The following RFX4 variants were observed in gnomAD, a reference collection of about 807,000 sequenced individuals.
RFX4 encodes regulatory factor X4.
RFX4 carries 10 observed loss-of-function variants against 95.0 expected under a neutral mutation model. The observed-to-expected ratio is 0.11, with a 90% CI of 0.06 to 0.18. The LOEUF is 0.18. RFX4 is among the 10% of genes least tolerant of loss of function. RFX4 has a pLI of 1.00. For synonymous variants in RFX4, 321 were observed against 340.7 expected, an observed-to-expected ratio of 0.94 and a Z score of 0.64; for missense variants, 640 against 922.0, an observed-to-expected ratio of 0.69 and a Z score of 3.96.
chr12:106,698,877 T>C (rs2041934960), intron 8 of RFX4, among the ~76,000 whole-genome samples: 1 of 152,128 alleles, frequency 6.6e-6, no homozygotes, highest in Admixed American at 6.5e-5. Flanking sequence ...TTGGTTTCTC[T>C]GGTTTCTTGC....
At chr12:106,612,837 CAAA>C (rs779953907) in intron 2 of RFX4, among the ~76,000 whole-genome samples, 1 of 113,738 alleles carries the variant, frequency 8.8e-6, no homozygotes, top group African/African-American at 3.2e-5. Flanking sequence ...GACTACGTCT[CAAA>C]AAAAAAAAAA....
chr12:106,713,518 G>A (rs778952515), intron 10 of RFX4, among the ~76,000 whole-genome samples: 13 of 152,308 alleles, frequency 8.5e-5, no homozygotes, highest in East Asian at 1.9e-4. Flanking sequence ...AAGCTGGAGC[G>A]TACATTGTAG....
intron 2 of RFX4, among the ~76,000 whole-genome samples, chr12:106,638,724 G>T (rs2040561630): frequency 6.6e-6 from 1 of 152,176 alleles, no homozygotes; most frequent in African/African-American, 2.4e-5. Flanking sequence ...GCAGATTTGG[G>T]TGTGGTGAGG....
intron 2 of RFX4, among the ~76,000 whole-genome samples, chr12:106,635,049 A>C (rs1318508638): frequency 6.6e-6 from 1 of 152,236 alleles, no homozygotes; most frequent in Admixed American, 6.5e-5. Context: ...TTGCCATAGA[A>C]GATGACCATT....
At chr12:106,625,361 A>G (rs1188133438) in intron 2 of RFX4, among the ~76,000 whole-genome samples, 1 of 152,166 alleles carries the variant, frequency 6.6e-6, no homozygotes, top group African/African-American at 2.4e-5. Context: ...AAAACCCTGG[A>G]CCAGTGGGGT....
chr12:106,610,829 C>A (rs950586850), intron 2 of RFX4, among the ~76,000 whole-genome samples: 19 of 152,188 alleles, frequency 1.2e-4, no homozygotes, highest in African/African-American at 4.3e-4. Context: ...GCGGTATATA[C>A]CCAGAAATGA....
In RFX4 at chr12:106,601,114, G is replaced by A. The variant is rs1287730882; in HGVS notation, c.44-7683G>A. Reference sequence around the variant, plus strand: ...CAGGGCCCCTTCCTGGAACCCAGCAGCCCCTGGGGCAGGACCTGTGGCGTT... The same window carrying A: ...CAGGGCCCCTTCCTGGAACCCAGCAACCCCTGGGGCAGGACCTGTGGCGTT... On this transcript the variant is annotated intron_variant, in intron 1 of 17. Transcript: ENST00000392842. The A allele has an allele frequency of 3.2e-5, 46 of 1,415,452 alleles. No individual in the cohort carries two copies. The Middle Eastern group carries it at 7.9e-4, about 24-fold the overall frequency. 87.7% of individuals were successfully genotyped at this position (1,415,452 alleles called of 1,614,324 possible).
At chr12:106,679,869 C>T in intron 4 of RFX4, among the ~76,000 whole-genome samples, 1 of 152,212 alleles carries the variant, frequency 6.6e-6, no homozygotes, top group South Asian at 2.1e-4. Context: ...AACCTGGATG[C>T]AGTCTTAGGC....
chr12:106,711,895 GT>G (rs1223105216), intron 10 of RFX4, among the ~76,000 whole-genome samples: 4 of 152,100 alleles, frequency 2.6e-5, no homozygotes, highest in South Asian at 2.1e-4. Flanking sequence ...ATTTTGTTTA[GT>G]TTTTTTCCAG....
intron 3 of RFX4, 30 bp from the exon 4 acceptor site, chr12:106,654,198 T>A: frequency 1.2e-6 from 2 of 1,613,580 alleles, no homozygotes; most frequent in South Asian, 2.2e-5. Context: ...GGTAACACAT[T>A]TTTTGCTCAT....
rs191017101 is a variant in RFX4, at chr12:106,715,107, C to T, written c.994-293C>T. 2.7e-5 allele frequency: 7 copies of T among 257,880 alleles called. No individual in the cohort carries two copies. The East Asian group carries it at 5.0e-4, about 19-fold the overall frequency. The allele number at this position is 257,880 out of a possible 1,614,324, so 16.0% of individuals were successfully genotyped here. A position where few individuals can be genotyped will look rare whatever the true frequency, so the allele number is the denominator to read the frequency against. On this transcript the variant is annotated intron_variant, in intron 10 of 17. Transcript: ENST00000392842. ...GATCTCTGGGCTTCATCCCATTGTT[C>T]CATGGGGTCAAGACCAAAGGGACTG...
chr12:106,655,969 C>T (rs1025925708), intron 4 of RFX4, among the ~76,000 whole-genome samples: 2 of 152,218 alleles, frequency 1.3e-5, no homozygotes, highest in African/African-American at 4.8e-5. Context: ...AAAACCCTCA[C>T]CACTTGTAGA....
rs756688374 is a variant in RFX4 at position 106,761,230 on chromosome 12, C to G, written c.1969C>G (p.Pro657Ala). 5.6e-6 allele frequency: 9 copies of G among 1,614,068 alleles called. No homozygotes were observed. Among genetic ancestry groups the G allele is most frequent in the Non-Finnish European group, 6.8e-6 (8 of 1,179,938 alleles). Residue 657 changes from proline (P) to alanine (A), a missense_variant, in exon 18 of 18, where the codon CCT becomes GCT. Pro to Ala is a conservative substitution (Grantham distance 27). Transcript: ENST00000392842. ...PFNSPTSRME[P>A]CLMSSTPRLH... is the part of the protein sequence containing the mutation. ...TAATAGCCCCACTTCCCGGATGGAA[C>G]CTTGTTTGATGAGCAGTACTCCCAG... is the stretch of plus-strand genomic sequence containing the variant.
At chr12:106,627,452 G>A (rs1017809571) in intron 2 of RFX4, among the ~76,000 whole-genome samples, 7 of 152,122 alleles carry the variant, frequency 4.6e-5, no homozygotes, top group African/African-American at 7.2e-5. Context: ...GGAGGATTCC[G>A]TGAACCTGGG....
chr12:106,644,198 A>T (rs1341799708), intron 3 of RFX4, among the ~76,000 whole-genome samples: 1 of 151,602 alleles, frequency 6.6e-6, no homozygotes, highest in African/African-American at 2.4e-5. Context: ...GTTTAGCATA[A>T]GACAATGGCA....
chr12:106,684,192 C>G (rs976673313), intron 5 of RFX4, among the ~76,000 whole-genome samples: 3 of 152,100 alleles, frequency 2.0e-5, no homozygotes, highest in Non-Finnish European at 4.4e-5. Context: ...CATGGTGAAA[C>G]CCCATCTCTA....
intron 2 of RFX4, among the ~76,000 whole-genome samples, chr12:106,624,076 G>T (rs1276421412): frequency 6.6e-6 from 1 of 152,140 alleles, no homozygotes. Flanking sequence ...AAGGGGAGGT[G>T]CCAGCTACTT....
In RFX4 at chr12:106,583,051, T is replaced by A; in HGVS notation, c.-270T>A. The stretch of plus-strand genomic sequence containing the variant: ...CTTTGCCCGGCTGGATTACTGAGTG[T>A]CCCCTTGCTCGCTCGCTTTTTCTCT... On this transcript the variant is annotated 5_prime_UTR_variant, in exon 1 of 18. Coordinates refer to ENST00000392842, the MANE Select transcript of RFX4 (RefSeq NM_213594.3). 1 of 412,090 alleles carries A rather than the reference T, an allele frequency of 2.4e-6. No homozygotes were observed. Among genetic ancestry groups the A allele is most frequent in the East Asian group, 3.8e-5 (1 of 26,040 alleles). The allele number at this position is 412,090 out of a possible 1,614,324, so 25.5% of individuals were successfully genotyped here.
At chr12:106,653,787 A>T (rs2040901998) in intron 3 of RFX4, among the ~76,000 whole-genome samples, 1 of 152,184 alleles carries the variant, frequency 6.6e-6, no homozygotes, top group South Asian at 2.1e-4. Context: ...AGCATTTGTC[A>T]GCCAAGGAGC....
Sources: allele counts gnomAD v4.1 joint callset (sites outside exome capture counted in the v4.1 genomes callset), GRCh38; gene constraint gnomAD v4.1.1; transcripts MANE v1.5; gene names NCBI Gene and HGNC (gene_info 2026-07-23, HGNC 2026-07-21).